Variants in CDH23 observed in about 807,000 individuals in gnomAD.
CDH23 encodes the protein cadherin related 23.
CDH23 carries 189 observed loss-of-function variants against 317.1 expected under a neutral mutation model. The observed-to-expected ratio is 0.60, with a 90% CI of 0.53 to 0.67. The LOEUF (loss-of-function observed/expected upper bound fraction) is 0.67, where lower values mean the gene tolerates loss of function less well. Ranked by LOEUF, CDH23 falls within the 30% of genes least tolerant of loss-of-function variation. The pLI, the probability that CDH23 is intolerant of heterozygous loss-of-function variation, is 0.00. For missense variants in CDH23, 4,401 were observed against 4,592.4 expected, an observed-to-expected ratio of 0.96 and a Z score of 1.20; for synonymous variants, 1,839 against 1,876.8, an observed-to-expected ratio of 0.98 and a Z score of 0.52.
At chr10:71,546,656 G>A (rs1288942106) in intron 6 of CDH23, among the ~76,000 whole-genome samples, 2 of 152,198 alleles carry the variant, frequency 1.3e-5, no homozygotes, top group Non-Finnish European at 2.9e-5. Flanking sequence ...ATTATTAGTG[G>A]AATGAATGAA....
At chr10:71,439,986 T>C in intron 2 of CDH23, 88 bp downstream of exon 2, 1 of 1,049,574 alleles carries the variant, frequency 9.5e-7, no homozygotes. Flanking sequence ...TGGTTCATCT[T>C]TGTGCTCTGG....
chr10:71,542,139 G>A (rs539234947), intron 6 of CDH23, among the ~76,000 whole-genome samples: 8 of 152,272 alleles, frequency 5.3e-5, no homozygotes, highest in African/African-American at 1.4e-4. Context: ...TCTAGGGATC[G>A]CTCAGTGTGT....
chr10:71,652,981 G>A (rs192334877), intron 14 of CDH23, among the ~76,000 whole-genome samples: 79 of 152,248 alleles, frequency 5.2e-4, no homozygotes, highest in African/African-American at 1.6e-3. Context: ...CAACATGAAC[G>A]TGCCACCCAC....
intron 27 of CDH23, chr10:71,712,431 T>G: frequency 4.0e-6 from 2 of 498,286 alleles, no homozygotes; most frequent in Non-Finnish European, 7.2e-6. Context: ...CTTCATGGGG[T>G]TGCTGTGAGG....
intron 38 of CDH23, among the ~76,000 whole-genome samples, chr10:71,757,031 G>C (rs1356093786): frequency 6.6e-6 from 1 of 152,244 alleles, no homozygotes; most frequent in African/African-American, 2.4e-5. Flanking sequence ...GTTCCCTGCA[G>C]ATCTTAGCAA....
chr10:71,662,287 C>T (rs1297480235), intron 14 of CDH23, among the ~76,000 whole-genome samples: 1 of 152,100 alleles, frequency 6.6e-6, no homozygotes, highest in African/African-American at 2.4e-5. Flanking sequence ...CCAATCAGCA[C>T]CCGCCAGTGA....
At chr10:71,426,560 C>T (rs936076734) in intron 1 of CDH23, among the ~76,000 whole-genome samples, 1 of 151,876 alleles carries the variant, frequency 6.6e-6, no homozygotes, top group Non-Finnish European at 1.5e-5. Flanking sequence ...GAGGTGGGGC[C>T]CAGGGAGGCA....
chr10:71,664,724 A>T lies in CDH23; in HGVS notation c.1450-10388A>T, dbSNP rs761841020. ...ATAATTCCCTGAGGTGGGTGCTCTC[A>T]TTACCTCCATTTTACAGATAGGAAA... On this transcript the variant is annotated intron_variant, in intron 14 of 69. Transcript: ENST00000224721. Among the ~76,000 whole-genome samples, 282 of 152,332 alleles carry T rather than the reference A, an allele frequency of 1.9e-3. 9 individuals are homozygous for T. The highest frequency in any genetic ancestry group is 3.5e-4 in the Non-Finnish European group (24 of 68,030).
chr10:71,697,776 G>A (rs1344019882), intron 22 of CDH23, among the ~76,000 whole-genome samples: 1 of 152,170 alleles, frequency 6.6e-6, no homozygotes, highest in Non-Finnish European at 1.5e-5. Context: ...AAAAGCCAGA[G>A]CCCTTGCCAG....
chr10:71,680,376 C>T (rs576824025), intron 17 of CDH23, among the ~76,000 whole-genome samples: 10 of 152,318 alleles, frequency 6.6e-5, no homozygotes, highest in African/African-American at 1.7e-4. Context: ...AATCGATGTG[C>T]GTTGAGTGAC....
intron 38 of CDH23, among the ~76,000 whole-genome samples, chr10:71,743,116 A>G (rs1390050612): frequency 6.6e-6 from 1 of 152,218 alleles, no homozygotes; most frequent in African/African-American, 2.4e-5. Flanking sequence ...TTCTACCACA[A>G]TCTGTTGGCC....
intron 6 of CDH23, among the ~76,000 whole-genome samples, chr10:71,521,793 G>A (rs186419889): frequency 6.6e-6 from 1 of 152,218 alleles, no homozygotes; most frequent in African/African-American, 2.4e-5. Context: ...GGAGGCACAA[G>A]TCTCTGCTCC....
chr10:71,706,735 C>T (rs1295682751), intron 25 of CDH23, among the ~76,000 whole-genome samples, 162 bp from the exon 26 acceptor site: 1 of 152,200 alleles, frequency 6.6e-6, no homozygotes, highest in Non-Finnish European at 1.5e-5. Flanking sequence ...ATGGGGGGCC[C>T]TGGGCTTATG....
chr10:71,621,483 G>A (rs767595486), intron 11 of CDH23, among the ~76,000 whole-genome samples: 1 of 152,224 alleles, frequency 6.6e-6, no homozygotes, highest in Non-Finnish European at 1.5e-5. Context: ...GCTCTGCCTG[G>A]AACGTTGATG....
At chr10:71,541,465 A>G (rs1474146117) in intron 6 of CDH23, among the ~76,000 whole-genome samples, 3 of 152,258 alleles carry the variant, frequency 2.0e-5, no homozygotes, top group African/African-American at 7.2e-5. Context: ...GCTAGAGGGC[A>G]GGTCCCAGAG....
At chr10:71,743,799 GA>G (rs1366520272) in intron 38 of CDH23, among the ~76,000 whole-genome samples, 2 of 152,100 alleles carry the variant, frequency 1.3e-5, no homozygotes, top group African/African-American at 4.8e-5. Context: ...GAGTCATAAA[GA>G]ATCAAAATGC....
At chr10:71,785,811 C>A in intron 44 of CDH23, 73 bp downstream of exon 44, 1 of 907,464 alleles carries the variant, frequency 1.1e-6, no homozygotes, top group East Asian at 2.6e-5. Flanking sequence ...ATCACCCCTC[C>A]TGCAGGCAGC....
intron 6 of CDH23, among the ~76,000 whole-genome samples, chr10:71,533,564 CA>C (rs1855534096): frequency 6.0e-4 from 72 of 119,290 alleles, no homozygotes; most frequent in South Asian, 9.2e-4. Flanking sequence ...CACACACACA[CA>C]CACACTGGCT....
At chr10:71,468,871 T>C (rs1851377627) in intron 3 of CDH23, among the ~76,000 whole-genome samples, 1 of 152,210 alleles carries the variant, frequency 6.6e-6, no homozygotes, top group African/African-American at 2.4e-5. Flanking sequence ...GTTCCTCACC[T>C]GCTCCAGGAC....
Sources: gnomAD v4.1 joint callset for allele counts (sites outside exome capture counted in the v4.1 genomes callset) on GRCh38, gnomAD v4.1.1 for gene constraint, MANE v1.5 for transcripts, NCBI Gene and HGNC (gene_info 2026-07-23, HGNC 2026-07-21) for gene names.